DCAF6: variants seen among roughly 807,000 people sequenced by gnomAD.
The protein encoded by DCAF6 is DDB1 and CUL4 associated factor 6.
Under a neutral mutation model 125.1 loss-of-function variants are expected in DCAF6, and 54 were observed. The observed-to-expected ratio is 0.43, with a 90% CI of 0.35 to 0.54. The LOEUF (loss-of-function observed/expected upper bound fraction) is 0.54, where lower values mean the gene tolerates loss of function less well. DCAF6 is among the 20% of genes least tolerant of loss of function. The pLI is 0.01. For synonymous variants in DCAF6, 371 were observed against 390.4 expected, an observed-to-expected ratio of 0.95 and a Z score of 0.58; for missense variants, 934 against 1,161.7, an observed-to-expected ratio of 0.80 and a Z score of 2.85.
Position 168,056,355 on chromosome 1 carries a change from G to A in DCAF6, c.2300+5422G>A, listed in dbSNP as rs1211490780. 2.5e-6 allele frequency: 4 copies of A among 1,570,048 alleles called. No individual in the cohort carries two copies. The East Asian group carries it at 6.7e-5, about 26-fold the overall frequency. On this transcript the variant is annotated intron_variant, in intron 17 of 21. Coordinates refer to ENST00000367840, the MANE Select transcript of DCAF6 (RefSeq NM_001198956.2). ...CCAGGGCCTCGGCGGGCAGGGCGCG[G>A]CGGGTGACGGGACCGCGCGCAGGGT...
chr1:168,024,986 TTA>T (rs1686154310), intron 12 of DCAF6, among the ~76,000 whole-genome samples: 1 of 152,060 alleles, frequency 6.6e-6, no homozygotes, highest in Admixed American at 6.6e-5. Flanking sequence ...ATGTGTTATT[TTA>T]TATGTTTATT....
At chr1:167,902,203 A>T in the DCAF6 span, 1 of 817,966 alleles carries the variant, frequency 1.2e-6, no homozygotes, top group Non-Finnish European at 2.0e-6. Flanking sequence ...CAGACAAGCC[A>T]CTTAACCCAT....
intron 13 of DCAF6, among the ~76,000 whole-genome samples, chr1:168,040,719 CT>C (rs557546316): frequency 1.6e-3 from 219 of 136,752 alleles, no homozygotes; most frequent in Non-Finnish European, 2.3e-3. Context: ...ACTTTTTGGG[CT>C]TTTTTTTTTT....
intron 12 of DCAF6, among the ~76,000 whole-genome samples, chr1:168,025,525 T>C (rs926696042): frequency 6.6e-6 from 1 of 152,244 alleles, no homozygotes; most frequent in African/African-American, 2.4e-5. Context: ...AGAAATGTTC[T>C]AATGGTGGAA....
intron 7 of DCAF6, among the ~76,000 whole-genome samples, chr1:167,997,091 C>T (rs1404259293): frequency 6.6e-6 from 1 of 151,904 alleles, no homozygotes; most frequent in East Asian, 1.9e-4. Context: ...TGTAATAGTA[C>T]CTGACATATA....
the DCAF6 span, among the ~76,000 whole-genome samples, chr1:167,907,714 GC>G: frequency 2.6e-5 from 4 of 152,208 alleles, no homozygotes; most frequent in Non-Finnish European, 5.9e-5. Context: ...CCAAGAGCAA[GC>G]CAACATTATT....
intron 17 of DCAF6, 95 bp from the exon 18 acceptor site, chr1:168,063,526 G>GT: frequency 9.2e-7 from 1 of 1,083,610 alleles, no homozygotes; most frequent in African/African-American, 1.7e-5. Context: ...GTGTGTTTAT[G>GT]TATTTCCTAG....
At chr1:167,974,497 A>G (rs999049062) in intron 3 of DCAF6, among the ~76,000 whole-genome samples, 6 of 152,182 alleles carry the variant, frequency 3.9e-5, no homozygotes, top group Non-Finnish European at 7.4e-5. Flanking sequence ...TTTAGCATAC[A>G]GTAAATTTCA....
At chr1:168,056,151 C>G in intron 17 of DCAF6, 5 of 1,599,736 alleles carry the variant, frequency 3.1e-6, no homozygotes, top group Non-Finnish European at 4.3e-6. Flanking sequence ...CAATTTTGTC[C>G]CAACTTCAGG....
At chr1:167,917,597 C>CAAAAAAAAAAAAAAAAAAAAAA in the DCAF6 span, 1 of 79,834 alleles carries the variant, frequency 1.3e-5, no homozygotes. Context: ...GACCCTGTCT[C>CAAAAAAAAAAAAAAAAAAAAAA]AAAAAAAAAA....
the DCAF6 span, among the ~76,000 whole-genome samples, chr1:167,885,315 T>C: frequency 6.6e-6 from 1 of 152,186 alleles, no homozygotes; most frequent in Non-Finnish European, 1.5e-5. Flanking sequence ...AGGAGTAGAA[T>C]TTCTAGATTG....
chr1:168,015,694 CCTT>C lies in DCAF6; in HGVS notation c.1379-80_1379-78del, dbSNP rs1348961028. On this transcript the variant is annotated intron_variant, in intron 10 of 21. Transcript: ENST00000367840. ...TATGAGACATGTGTTTTGTTTATAT[CCTT>C]CTTCTTTTTTAATGTATAATCAAAT... 3.6e-5 allele frequency: 43 copies of C among 1,194,170 alleles called. No individual in the cohort carries two copies. The Admixed American group carries it at 4.5e-4, about 13-fold the overall frequency. The allele number at this position is 1,194,170 out of a possible 1,614,324, so 74.0% of individuals were successfully genotyped here.
Position 168,006,576 on chromosome 1 carries a change from G to A in DCAF6, c.1378+1783G>A, listed in dbSNP as rs193097139. ...CGTTTCAGGAGTAAGGACTTAATTT[G>A]TTTCTGTTTTTGTTTTTTGTCCAAT... is the stretch of plus-strand genomic sequence containing the variant. On this transcript the variant is annotated intron_variant, in intron 10 of 21. Transcript: ENST00000367840. Among the ~76,000 whole-genome samples the A allele has an allele frequency of 9.2e-5, 14 of 152,158 alleles. No individual in the cohort carries two copies. The East Asian group carries it at 1.7e-3, about 19-fold the overall frequency.
chr1:167,904,237 G>A, the DCAF6 span, among the ~76,000 whole-genome samples: 151 of 152,052 alleles, frequency 9.9e-4, 1 homozygote, highest in South Asian at 0.025. Flanking sequence ...ATAAGCGTGC[G>A]CCACCATGCC....
At chr1:167,881,947 G>A in the DCAF6 span, among the ~76,000 whole-genome samples, 1 of 152,204 alleles carries the variant, frequency 6.6e-6, no homozygotes, top group Non-Finnish European at 1.5e-5. Context: ...GTCTCATATA[G>A]AATGCATGCT....
chr1:167,942,611 T>G (rs1672428064), intron 1 of DCAF6, among the ~76,000 whole-genome samples: 1 of 152,220 alleles, frequency 6.6e-6, no homozygotes, highest in Non-Finnish European at 1.5e-5. Context: ...AATCTTTACC[T>G]AATCCAAGGT....
Position 168,063,614 on chromosome 1 carries a change from C to T in DCAF6, c.2301-7C>T. The T allele has an allele frequency of 1.3e-6, 2 of 1,520,494 alleles. No individual in the cohort carries two copies. The highest frequency in any genetic ancestry group is 1.8e-6 in the Non-Finnish European group (2 of 1,140,548). 94.2% of individuals were successfully genotyped at this position (1,520,494 alleles called of 1,614,324 possible). On this transcript the variant is annotated splice_region_variant and splice_polypyrimidine_tract_variant and intron_variant, in intron 17 of 21. Transcript: ENST00000367840. ...ATTTTTGTTTTTTTAATATGTAATT[C>T]ATATAGACGCTCTGCTGTTGCCCGT...
Position 167,936,837 on chromosome 1 carries a change from T to TGAAACGGGTGTC in DCAF6, c.-74_-63dup, listed in dbSNP as rs1671306472. 8 of 1,329,378 alleles carry TGAAACGGGTGTC rather than the reference T, an allele frequency of 6.0e-6. No homozygotes were observed. Among genetic ancestry groups the TGAAACGGGTGTC allele is most frequent in the African/African-American group, 1.5e-5 (1 of 67,952 alleles). The allele number at this position is 1,329,378 out of a possible 1,614,324, so 82.3% of individuals were successfully genotyped here. A position where few individuals can be genotyped will look rare whatever the true frequency, so the allele number is the denominator to read the frequency against. On this transcript the variant is annotated 5_prime_UTR_variant, in exon 1 of 22. Transcript: ENST00000367840. ...GATGGTGCCGGTGCGGCTCGGGTGT[T>TGAAACGGGTGTC]GAAACGGGTGTCCCCTCCCCCTCCT...
rs902724004 is a variant in DCAF6 at position 168,075,476 on chromosome 1, T to C, written c.*41T>C. 1 of 1,508,502 alleles carries C rather than the reference T, an allele frequency of 6.6e-7. No individual in the cohort carries two copies. The highest frequency in any genetic ancestry group is 1.4e-5 in the African/African-American group (1 of 69,882). 93.4% of individuals were successfully genotyped at this position (1,508,502 alleles called of 1,614,324 possible). On this transcript the variant is annotated 3_prime_UTR_variant, in exon 22 of 22. Transcript: ENST00000367840. ...AAGCACTTAAATGTTCTGAAATTTGTATAAGACATTTATTATATTTTTTTC... is the reference window on the plus strand; with the variant it reads ...AAGCACTTAAATGTTCTGAAATTTGCATAAGACATTTATTATATTTTTTTC...
Sources: allele counts gnomAD v4.1 joint callset (sites outside exome capture counted in the v4.1 genomes callset), GRCh38; gene constraint gnomAD v4.1.1; transcripts MANE v1.5; gene names NCBI Gene and HGNC (gene_info 2026-07-23, HGNC 2026-07-21).